Variants in ZC3H7B observed in about 807,000 individuals in gnomAD.
ZC3H7B encodes zinc finger CCCH domain-containing protein 7B.
In ZC3H7B, 35 loss-of-function variants were observed where a neutral mutation model predicts 116.0. That is an observed-to-expected ratio of 0.30 (90% CI 0.23 to 0.40). The LOEUF (loss-of-function observed/expected upper bound fraction) is 0.40, where lower values mean the gene tolerates loss of function less well. Among genes scored for constraint, ZC3H7B ranks in the 10% least tolerant of loss-of-function variants. ZC3H7B has a pLI of 1.00. For missense variants in ZC3H7B, 1,011 were observed against 1,321.5 expected (o/e 0.77, Z 3.64); for synonymous variants, 502 against 545.6 (o/e 0.92, Z 1.11).
intron 9 of ZC3H7B, 133 bp from the exon 10 acceptor site, chr22:41,339,683 C>T (rs2036493373): frequency 1.3e-6 from 1 of 776,932 alleles, no homozygotes; most frequent in Non-Finnish European, 2.0e-6. Context: ...CCATAGTGAG[C>T]CCTGCTCCCA....
At chr22:41,319,367 C>T (rs557264604) in intron 1 of ZC3H7B, among the ~76,000 whole-genome samples, 1 of 152,172 alleles carries the variant, frequency 6.6e-6, no homozygotes, top group South Asian at 2.1e-4. Context: ...CGCCACTGCA[C>T]TCCAGCCTGG....
chr22:41,301,555 A>G lies in ZC3H7B; in HGVS notation c.-224A>G, dbSNP rs944856914. On this transcript the variant is annotated 5_prime_UTR_variant, in exon 1 of 23. Transcript: ENST00000352645. Reference sequence around the variant, plus strand: ...AGTGCCTCCAGCGGGTGCTGCCGCGAGCGGCCAGCCGAGGGGCTGGAAATG... The same window carrying G: ...AGTGCCTCCAGCGGGTGCTGCCGCGGGCGGCCAGCCGAGGGGCTGGAAATG... The G allele has an allele frequency of 6.6e-6, 1 of 152,068 alleles. No individual in the cohort carries two copies. Among genetic ancestry groups the G allele is most frequent in the Non-Finnish European group, 1.5e-5 (1 of 68,026 alleles). The allele number at this position is 152,068 out of a possible 1,614,324, so 9.4% of individuals were successfully genotyped here.
chr22:41,341,721 C>T (rs1339413177), intron 11 of ZC3H7B, among the ~76,000 whole-genome samples: 3 of 150,880 alleles, frequency 2.0e-5, no homozygotes, highest in African/African-American at 4.9e-5. Context: ...CCAGCCTGGG[C>T]GACAGAGCGA....
rs1367636074 is a variant in ZC3H7B at position 41,330,019 on chromosome 22, G to T, written c.445-4G>T. ...CCCACCGCCCTGTGTCTTGTCCTCT[G>T]CAGGATGAAAGCGTGACTCAGCTTG... On this transcript the variant is annotated splice_polypyrimidine_tract_variant and splice_region_variant and intron_variant, in intron 5 of 22. Transcript: ENST00000352645. 6.2e-7 allele frequency: 1 copy of T among 1,613,600 alleles called. No individual in the cohort carries two copies. Among genetic ancestry groups the T allele is most frequent in the East Asian group, 2.2e-5 (1 of 44,892 alleles).
intron 12 of ZC3H7B, among the ~76,000 whole-genome samples, chr22:41,342,854 C>T (rs967313162): frequency 6.6e-6 from 1 of 152,170 alleles, no homozygotes; most frequent in Admixed American, 6.5e-5. Context: ...GTCAGACTCA[C>T]TAGAGAGTGA....
At chr22:41,313,688 G>T (rs1341607973) in intron 1 of ZC3H7B, among the ~76,000 whole-genome samples, 1 of 152,096 alleles carries the variant, frequency 6.6e-6, no homozygotes, top group Non-Finnish European at 1.5e-5. Flanking sequence ...CGTCAACCAG[G>T]CTTTCTTTTC....
intron 1 of ZC3H7B, among the ~76,000 whole-genome samples, chr22:41,303,038 A>G (rs770185922): frequency 5.3e-5 from 8 of 152,224 alleles, no homozygotes; most frequent in Non-Finnish European, 1.2e-4. Flanking sequence ...TACATGTAGC[A>G]ACTGTGTTGG....
chr22:41,303,872 C>A (rs1306834842), intron 1 of ZC3H7B, among the ~76,000 whole-genome samples: 1 of 151,458 alleles, frequency 6.6e-6, no homozygotes, highest in East Asian at 2.0e-4. Flanking sequence ...ATTCTCCTGC[C>A]TCAGCCTCCT....
chr22:41,356,854 G>A (rs777550913), intron 22 of ZC3H7B, 46 bp downstream of exon 22: 1 of 1,609,644 alleles, frequency 6.2e-7, no homozygotes, highest in African/African-American at 1.3e-5. Flanking sequence ...GGTGGCCCGA[G>A]GAGATGGAGT....
intron 1 of ZC3H7B, among the ~76,000 whole-genome samples, chr22:41,309,105 G>A (rs1220447536): frequency 6.9e-5 from 10 of 145,432 alleles, no homozygotes; most frequent in East Asian, 6.0e-4. Context: ...TCCGCCTCCC[G>A]GGTTCATGCC....
intron 13 of ZC3H7B, among the ~76,000 whole-genome samples, chr22:41,344,077 T>C (rs942760592): frequency 6.6e-6 from 1 of 152,234 alleles, no homozygotes; most frequent in African/African-American, 2.4e-5. Flanking sequence ...TGTCCCTGAC[T>C]AGCTTCTTTC....
chr22:41,347,917 C>T (rs1569242288), intron 14 of ZC3H7B, 150 bp from the exon 15 acceptor site: 1 of 661,094 alleles, frequency 1.5e-6, no homozygotes, highest in Non-Finnish European at 2.7e-6. Flanking sequence ...GGCAAGACCA[C>T]AGACCCTGGG....
intron 11 of ZC3H7B, among the ~76,000 whole-genome samples, 182 bp from the exon 12 acceptor site, chr22:41,342,347 C>G (rs1490870845): frequency 6.6e-6 from 1 of 152,168 alleles, no homozygotes; most frequent in Middle Eastern, 3.2e-3. Context: ...ACTCTTGGAC[C>G]ACATTACAAA....
At chr22:41,356,219 C>T in intron 20 of ZC3H7B, 124 bp from the exon 21 acceptor site, 1 of 1,531,428 alleles carries the variant, frequency 6.5e-7, no homozygotes, top group Non-Finnish European at 8.8e-7. Context: ...AGGCCAGGCC[C>T]TGAGGCTGAG....
chr22:41,331,416 G>A (rs564425854), intron 6 of ZC3H7B, among the ~76,000 whole-genome samples: 79 of 59,930 alleles, frequency 1.3e-3, no homozygotes, highest in South Asian at 4.9e-3. Flanking sequence ...ATTAGCGGGG[G>A]TGGTAGCGAG....
rs2036703174 is a variant in ZC3H7B, at chr22:41,355,597, G to A, written c.2163G>A (p.Arg721=). The A allele has an allele frequency of 6.2e-7, 1 of 1,614,160 alleles. No individual in the cohort carries two copies. Reference sequence around the variant, plus strand: ...TCAAGTACTGTAGTGCCAAGGCCCGGCACTGGTGAGTGGGATGCCAGGTGG... The same window carrying A: ...TCAAGTACTGTAGTGCCAAGGCCCGACACTGGTGAGTGGGATGCCAGGTGG... The part of the protein sequence containing the change: ...KDLKYCSAKA[R]HCWTKERRVL... The change falls in exon 18 of 23, where the codon CGG becomes CGA. Residue 721 remains arginine, a synonymous_variant. Coordinates refer to ENST00000352645, the MANE Select transcript of ZC3H7B (RefSeq NM_017590.6).
chr22:41,355,982 A>G lies in ZC3H7B; in HGVS notation c.2303A>G (p.Lys768Arg). Residue 768 changes from lysine to arginine, a missense_variant, in exon 20 of 23, where the codon AAG (lysine) becomes AGG (arginine). Physicochemically the swap from Lys to Arg is conservative, Grantham distance 26 (BLOSUM62 2). Transcript: ENST00000352645. ...TGCATCCATGCACAGAACGGCCGCA[A>G]GTGCCAATATGTGGGGAACTGCTCC... is the stretch of plus-strand genomic sequence containing the variant. ...DLCIHAQNGR[K>R]CQYVGNCSFA... 1 of 1,566,686 alleles carries G rather than the reference A, an allele frequency of 6.4e-7. No homozygotes were observed. The highest frequency in any genetic ancestry group is 8.6e-7 in the Non-Finnish European group (1 of 1,157,026).
At chr22:41,313,702 T>G (rs2036146442) in intron 1 of ZC3H7B, among the ~76,000 whole-genome samples, 1 of 152,144 alleles carries the variant, frequency 6.6e-6, no homozygotes, top group Non-Finnish European at 1.5e-5. Flanking sequence ...TCTTTTCACC[T>G]TAGTCTCATG....
In ZC3H7B at chr22:41,349,006, A is replaced by C; in HGVS notation, c.1767-114A>C. On this transcript the variant is annotated intron_variant, in intron 15 of 22. Coordinates refer to ENST00000352645, the MANE Select transcript of ZC3H7B (RefSeq NM_017590.6). The surrounding 1 kb of genome is among the most constrained non-coding windows in gnomAD (Gnocchi z 4.9). ...GTCATCCATGGCCTGGATTTGGTACATAGATCAGGGGGTGCCCAGGGAGAG... is the reference window on the plus strand; with the variant it reads ...GTCATCCATGGCCTGGATTTGGTACCTAGATCAGGGGGTGCCCAGGGAGAG... 8.5e-7 allele frequency: 1 copy of C among 1,179,970 alleles called. No homozygotes were observed. The highest frequency in any genetic ancestry group is 1.2e-6 in the Non-Finnish European group (1 of 840,366). The allele number at this position is 1,179,970 out of a possible 1,614,324, so 73.1% of individuals were successfully genotyped here.
Sources: allele counts gnomAD v4.1 joint callset (sites outside exome capture counted in the v4.1 genomes callset), GRCh38; gene constraint gnomAD v4.1.1; non-coding constraint Gnocchi (gnomAD v3.1); transcripts MANE v1.5; gene names NCBI Gene and HGNC (gene_info 2026-07-23, HGNC 2026-07-21).